Variants in TNNI3K observed in about 807,000 individuals in gnomAD.
TNNI3K encodes serine/threonine-protein kinase TNNI3K.
TNNI3K carries 140 observed loss-of-function variants against 114.5 expected under a neutral mutation model. The ratio of observed to expected loss-of-function variants is 1.22; its 90% CI spans 1.07 to 1.41. The LOEUF is 1.41. Ranked by LOEUF, TNNI3K falls within the 40% of genes most tolerant of loss-of-function variation. TNNI3K has a pLI of 0.00. For missense variants in TNNI3K, 1,125 were observed against 1,007.6 expected (o/e 1.12, Z -1.58); for synonymous variants, 347 against 347.5 (o/e 1.00, Z 0.02).
intron 7 of TNNI3K, among the ~76,000 whole-genome samples, chr1:74,339,592 A>C (rs1034837537): frequency 6.6e-6 from 1 of 152,142 alleles, no homozygotes; most frequent in African/African-American, 2.4e-5. Flanking sequence ...ACAGAATGTC[A>C]CAAATGAAAA....
At chr1:74,356,230 G>A (rs2100486911) in intron 11 of TNNI3K, among the ~76,000 whole-genome samples, 1 of 152,232 alleles carries the variant, frequency 6.6e-6, no homozygotes, top group East Asian at 1.9e-4. Context: ...TCATTGTATA[G>A]TATAATGTTT....
At chr1:74,460,372 A>G (rs1192183503) in intron 20 of TNNI3K, among the ~76,000 whole-genome samples, 2 of 152,194 alleles carry the variant, frequency 1.3e-5, no homozygotes, top group Non-Finnish European at 2.9e-5. Flanking sequence ...AAAAAGTTCT[A>G]TTGGATACTC....
At chr1:74,306,838 TTGCTG>T (rs1290453366) in intron 5 of TNNI3K, among the ~76,000 whole-genome samples, 2 of 152,218 alleles carry the variant, frequency 1.3e-5, no homozygotes, top group African/African-American at 4.8e-5. Context: ...ATAGTTTCTT[TTGCTG>T]TGTAGAAGCT....
At chr1:74,413,278 C>G (rs1664971701) in intron 17 of TNNI3K, among the ~76,000 whole-genome samples, 1 of 152,088 alleles carries the variant, frequency 6.6e-6, no homozygotes, top group African/African-American at 2.4e-5. Flanking sequence ...ATGAGAAATT[C>G]CTGGATATTA....
chr1:74,408,235 C>T (rs1180681046), intron 17 of TNNI3K, among the ~76,000 whole-genome samples: 1 of 152,148 alleles, frequency 6.6e-6, no homozygotes, highest in Non-Finnish European at 1.5e-5. Flanking sequence ...TGACAATTTT[C>T]AAGTAGGGAT....
Position 74,509,753 on chromosome 1 carries a change from T to C in TNNI3K, c.2351+17487T>C, listed in dbSNP as rs1214059118. ...TTTTGAGTGATCTGAATTTCTTTTT[T>C]TTTTTTTTTTTTTTTTTTTTTTTTG... On this transcript the variant is annotated intron_variant, in intron 23 of 24. Coordinates refer to ENST00000326637, the MANE Select transcript of TNNI3K (RefSeq NM_015978.3). 1.2e-3 allele frequency among the ~76,000 whole-genome samples: 139 copies of C among 112,114 alleles called. 4 individuals are homozygous for C. Among genetic ancestry groups the C allele is most frequent in the Admixed American group, 0.012 (136 of 11,252 alleles). The allele number at this position is 112,114 out of a possible 152,430, so 73.6% of individuals were successfully genotyped here.
intron 5 of TNNI3K, among the ~76,000 whole-genome samples, chr1:74,291,272 T>G (rs1275186007): frequency 6.6e-6 from 1 of 151,628 alleles, no homozygotes; most frequent in East Asian, 1.9e-4. Context: ...TATTTTTAAT[T>G]TTTTCTGTTC....
At chr1:74,282,034 T>C (rs1035431009) in intron 5 of TNNI3K, among the ~76,000 whole-genome samples, 1 of 152,178 alleles carries the variant, frequency 6.6e-6, no homozygotes, top group Non-Finnish European at 1.5e-5. Context: ...CTTAGCTTGC[T>C]GCTAAACTTG....
intron 20 of TNNI3K, among the ~76,000 whole-genome samples, chr1:74,456,468 G>C (rs947119295): frequency 1.3e-5 from 2 of 152,130 alleles, no homozygotes; most frequent in Admixed American, 1.3e-4. Flanking sequence ...ATCAACACCT[G>C]CTTCCCAGAT....
At position 74,299,226 on chromosome 1, in the gene TNNI3K, T is replaced by C. The variant is rs992634662; in HGVS notation, c.444+27518T>C. ...CTGAAGCGTGCTGATTGGTGACAAA[T>C]ATATGTGTTTAACTGCTTATGGTTA... On this transcript the variant is annotated intron_variant, in intron 5 of 24. Transcript: ENST00000326637. Among the ~76,000 whole-genome samples, 9 of 152,268 alleles carry C rather than the reference T, an allele frequency of 5.9e-5. No homozygotes were observed. In the East Asian group the frequency reaches 1.7e-3, roughly 29 times the overall value.
chr1:74,391,084 T>C (rs1235129952), intron 17 of TNNI3K, among the ~76,000 whole-genome samples: 1 of 152,078 alleles, frequency 6.6e-6, no homozygotes, highest in East Asian at 1.9e-4. Flanking sequence ...ATTTTTGAGC[T>C]GAAATCTTAC....
intron 6 of TNNI3K, among the ~76,000 whole-genome samples, chr1:74,332,934 A>AT (rs1292558555): frequency 1.4e-5 from 2 of 142,584 alleles, no homozygotes; most frequent in Non-Finnish European, 1.5e-5. Context: ...GACAGTGAGA[A>AT]TACTCAAGGA....
intron 4 of TNNI3K, 61 bp downstream of exon 4, chr1:74,250,830 G>GTT: frequency 1.2e-5 from 12 of 1,025,316 alleles, no homozygotes; most frequent in East Asian, 6.7e-5. Context: ...GTATCTTTAG[G>GTT]CTTTTTTTTT....
intron 12 of TNNI3K, 145 bp downstream of exon 12, chr1:74,367,487 T>A (rs1477707780): frequency 2.4e-6 from 2 of 844,648 alleles, no homozygotes; most frequent in Non-Finnish European, 3.5e-6. Context: ...AGTAACCTTA[T>A]GTCTGGGAGA....
intron 21 of TNNI3K, among the ~76,000 whole-genome samples, chr1:74,485,205 C>T (rs1668692333): frequency 6.6e-6 from 1 of 152,142 alleles, no homozygotes; most frequent in Admixed American, 6.5e-5. Flanking sequence ...AACTTGGATG[C>T]TTTAAGAAGG....
intron 5 of TNNI3K, among the ~76,000 whole-genome samples, chr1:74,300,006 T>C (rs1213496712): frequency 2.0e-5 from 3 of 152,208 alleles, no homozygotes; most frequent in Non-Finnish European, 4.4e-5. Flanking sequence ...CAAAACTTTC[T>C]AGCTAATTTT....
At chr1:74,505,933 G>C (rs989450851) in intron 23 of TNNI3K, among the ~76,000 whole-genome samples, 3 of 152,110 alleles carry the variant, frequency 2.0e-5, no homozygotes, top group Admixed American at 6.6e-5. Flanking sequence ...TTTACTAGTG[G>C]ATATATGTTT....
At chr1:74,258,531 A>C (rs773720166) in intron 4 of TNNI3K, among the ~76,000 whole-genome samples, 5 of 152,094 alleles carry the variant, frequency 3.3e-5, no homozygotes, top group African/African-American at 4.8e-5. Context: ...CATTTTGTAG[A>C]TTTTATTTGC....
intron 23 of TNNI3K, among the ~76,000 whole-genome samples, chr1:74,507,683 T>C (rs1669976318): frequency 6.6e-6 from 1 of 152,212 alleles, no homozygotes; most frequent in African/African-American, 2.4e-5. Flanking sequence ...AACATGGAGA[T>C]GCACAGTTCT....
Sources: gnomAD v4.1 joint callset for allele counts (sites outside exome capture counted in the v4.1 genomes callset) on GRCh38, gnomAD v4.1.1 for gene constraint, MANE v1.5 for transcripts, NCBI Gene and HGNC (gene_info 2026-07-23, HGNC 2026-07-21) for gene names.